MAGI2: variants seen among roughly 807,000 people sequenced by gnomAD.
The protein encoded by MAGI2 is membrane-associated guanylate kinase, WW and PDZ domain-containing protein 2.
Under a neutral mutation model 133.3 loss-of-function variants are expected in MAGI2, and 35 were observed. The observed-to-expected ratio is 0.26, with a 90% CI of 0.20 to 0.35. MAGI2 has a LOEUF of 0.35. MAGI2 is among the 10% of genes least tolerant of loss of function. The pLI is 1.00. For synonymous variants in MAGI2, 729 were observed against 710.6 expected, an observed-to-expected ratio of 1.03 and a Z score of -0.41; for missense variants, 1,636 against 1,863.4, an observed-to-expected ratio of 0.88 and a Z score of 2.25.
intron 1 of MAGI2, chr7:79,125,267 G>A: frequency 2.2e-6 from 1 of 450,118 alleles, no homozygotes; most frequent in Non-Finnish European, 4.3e-6. Flanking sequence ...GTGAAGTAAG[G>A]AAAGCCCTGC....
chr7:79,126,593 A>T (rs1246751399), intron 1 of MAGI2, among the ~76,000 whole-genome samples: 1 of 152,102 alleles, frequency 6.6e-6, no homozygotes, highest in Non-Finnish European at 1.5e-5. Context: ...GAAGCCAGAG[A>T]CTTACAAATT....
chr7:78,622,643 C>A (rs952839886), intron 3 of MAGI2, among the ~76,000 whole-genome samples: 1 of 151,874 alleles, frequency 6.6e-6, no homozygotes, highest in African/African-American at 2.4e-5. Flanking sequence ...TAAGTGGTAG[C>A]CCTAGGTCTA....
intron 15 of MAGI2, among the ~76,000 whole-genome samples, chr7:78,165,270 A>G (rs997627614): frequency 3.3e-5 from 5 of 152,074 alleles, no homozygotes; most frequent in Non-Finnish European, 5.9e-5. Context: ...GGCTGCAGTG[A>G]GCCATGATTG....
intron 1 of MAGI2, among the ~76,000 whole-genome samples, chr7:79,451,512 A>C (rs992333864): frequency 6.6e-6 from 1 of 152,158 alleles, no homozygotes; most frequent in Non-Finnish European, 1.5e-5. Context: ...AATAGTATGG[A>C]GCTATGTTGA....
At chr7:78,398,330 AC>A (rs1796548133) in intron 6 of MAGI2, among the ~76,000 whole-genome samples, 2 of 152,102 alleles carry the variant, frequency 1.3e-5, no homozygotes, top group South Asian at 4.1e-4. Flanking sequence ...TTGAAATTGC[AC>A]CTCTCAACTT....
At chr7:78,312,968 A>G (rs1798842613) in intron 9 of MAGI2, among the ~76,000 whole-genome samples, 1 of 149,216 alleles carries the variant, frequency 6.7e-6, no homozygotes, top group African/African-American at 2.5e-5. Flanking sequence ...ATATGTATAT[A>G]CACACACACA....
chr7:79,117,606 T>C (rs1030274141), intron 1 of MAGI2, among the ~76,000 whole-genome samples: 13 of 152,212 alleles, frequency 8.5e-5, no homozygotes, highest in Non-Finnish European at 1.9e-4. Flanking sequence ...AAACAGCATC[T>C]TTCCCAGAAA....
At chr7:78,576,104 A>G (rs191183) in intron 3 of MAGI2, among the ~76,000 whole-genome samples, 1 of 145,904 alleles carries the variant, frequency 6.9e-6, no homozygotes, top group East Asian at 2.1e-4. Context: ...GAAAACTACC[A>G]CAACAGTAGA....
At chr7:78,155,485 A>C (rs1264848220) in intron 16 of MAGI2, among the ~76,000 whole-genome samples, 2 of 152,100 alleles carry the variant, frequency 1.3e-5, no homozygotes, top group African/African-American at 4.8e-5. Flanking sequence ...ATGGTGGTGC[A>C]TGGTGGTCTA....
intron 10 of MAGI2, among the ~76,000 whole-genome samples, chr7:78,210,536 T>A (rs73703754): frequency 0.017 from 2,637 of 152,264 alleles, 89 homozygotes; most frequent in African/African-American, 0.06. Flanking sequence ...GAGGTGCCTT[T>A]GGGAGTATGG....
chr7:78,266,325 C>T lies in MAGI2; in HGVS notation c.1409-9744G>A, dbSNP rs530011187. Among the ~76,000 whole-genome samples, 212 of 152,200 alleles carry T rather than the reference C, an allele frequency of 1.4e-3. 3 individuals carry two copies. Among genetic ancestry groups the T allele is most frequent in the African/African-American group, 4.9e-3 (204 of 41,536 alleles). ...AACTGATCCTCCCACCTCAGCTCCC[C>T]GAGGAGCTGGGGCTACAGGCTCATG... is the stretch of plus-strand genomic sequence containing the variant. On this transcript the variant is annotated intron_variant, in intron 9 of 21. Coordinates refer to ENST00000354212, the MANE Select transcript of MAGI2 (RefSeq NM_012301.4).
intron 6 of MAGI2, among the ~76,000 whole-genome samples, chr7:78,477,711 G>A (rs1034517364): frequency 6.6e-6 from 1 of 152,018 alleles, no homozygotes; most frequent in Non-Finnish European, 1.5e-5. Flanking sequence ...CCCCGCCCTT[G>A]ACACATGGGG....
chr7:78,739,091 T>G (rs1200177215), intron 2 of MAGI2, among the ~76,000 whole-genome samples: 1 of 152,228 alleles, frequency 6.6e-6, no homozygotes. Flanking sequence ...AGAGCATTGA[T>G]TGTTTTCAAG....
intron 9 of MAGI2, among the ~76,000 whole-genome samples, chr7:78,287,396 T>TTTAAGGTGGAACGTCTGATA (rs1210728616): frequency 6.6e-6 from 1 of 152,162 alleles, no homozygotes; most frequent in African/African-American, 2.4e-5. Flanking sequence ...TTAAGGTGTT[T>TTTAAGGTGGAACGTCTGATA]TTAAGGTGGA....
intron 12 of MAGI2, among the ~76,000 whole-genome samples, chr7:78,188,164 T>A (rs1827871025): frequency 2.0e-5 from 3 of 152,196 alleles, no homozygotes; most frequent in African/African-American, 4.8e-5. Context: ...ACCATGGTAA[T>A]TTCCTGTTTC....
intron 3 of MAGI2, among the ~76,000 whole-genome samples, chr7:78,594,403 T>C (rs934298997): frequency 6.6e-6 from 1 of 152,182 alleles, no homozygotes; most frequent in Admixed American, 6.5e-5. Flanking sequence ...ACCAAGAGTT[T>C]TGTCCAGGCT....
chr7:79,175,888 T>A (rs1826050397), intron 1 of MAGI2, among the ~76,000 whole-genome samples: 1 of 152,042 alleles, frequency 6.6e-6, no homozygotes, highest in African/African-American at 2.4e-5. Flanking sequence ...CAATTAAGCA[T>A]TTCCCTAGTC....
intron 2 of MAGI2, among the ~76,000 whole-genome samples, chr7:78,839,718 G>A (rs1043571934): frequency 6.6e-6 from 1 of 152,036 alleles, no homozygotes; most frequent in African/African-American, 2.4e-5. Context: ...TGCCTCCCAT[G>A]GGGATTACAA....
intron 2 of MAGI2, among the ~76,000 whole-genome samples, chr7:78,697,001 T>C (rs1231965750): frequency 1.3e-5 from 2 of 152,222 alleles, no homozygotes; most frequent in Admixed American, 6.5e-5. Context: ...AGCTTTTAAA[T>C]AGTTTACACA....
Sources: allele counts gnomAD v4.1 joint callset (sites outside exome capture counted in the v4.1 genomes callset), GRCh38; gene constraint gnomAD v4.1.1; transcripts MANE v1.5; gene names NCBI Gene and HGNC (gene_info 2026-07-23, HGNC 2026-07-21).